EYS: variants seen among roughly 807,000 people sequenced by gnomAD.
EYS encodes EGF-like photoreceptor maintenance factor, also known as protein eyes shut homolog.
In EYS, 250 loss-of-function variants were observed where a neutral mutation model predicts 282.1. That is an observed-to-expected ratio of 0.89 (90% CI 0.80 to 0.98). EYS has a LOEUF of 0.98. Among genes scored for constraint, EYS ranks in the 50% least tolerant of loss-of-function variants. EYS has a pLI of 0.00. For missense variants in EYS, 4,016 were observed against 3,709.0 expected, an observed-to-expected ratio of 1.08 and a Z score of -2.15; for synonymous variants, 1,355 against 1,282.9, an observed-to-expected ratio of 1.06 and a Z score of -1.20.
chr6:64,014,388 T>A (rs1768789624), intron 33 of EYS, among the ~76,000 whole-genome samples: 1 of 152,136 alleles, frequency 6.6e-6, no homozygotes, highest in Admixed American at 6.6e-5. Flanking sequence ...TTTCTAATAA[T>A]ACTTCAGTTT....
intron 14 of EYS, among the ~76,000 whole-genome samples, chr6:64,964,536 A>C (rs925373232): frequency 6.6e-6 from 1 of 152,118 alleles, no homozygotes; most frequent in African/African-American, 2.4e-5. Context: ...TTTGTTGATA[A>C]AATATCTTAT....
intron 32 of EYS, 43 bp from the exon 33 acceptor site, chr6:64,066,534 T>C: frequency 7.7e-7 from 1 of 1,306,984 alleles, no homozygotes; most frequent in Non-Finnish European, 1.1e-6. Context: ...TGTAGATTTA[T>C]ATTTTATTGG....
intron 12 of EYS, among the ~76,000 whole-genome samples, chr6:65,090,073 G>A (rs564002858): frequency 7.9e-5 from 12 of 151,850 alleles, no homozygotes; most frequent in African/African-American, 2.9e-4. Context: ...TTTGAAATAT[G>A]AGGACATGAT....
chr6:63,762,742 T>G, intron 40 of EYS, 109 bp from the exon 41 acceptor site: 1 of 1,036,052 alleles, frequency 9.7e-7, no homozygotes, highest in Non-Finnish European at 1.4e-6. Context: ...TTCCAAGAGA[T>G]CAAAATGAAT....
chr6:64,424,676 T>C (rs1774347323), intron 28 of EYS, among the ~76,000 whole-genome samples: 1 of 152,216 alleles, frequency 6.6e-6, no homozygotes, highest in South Asian at 2.1e-4. Flanking sequence ...GTTTCATCCC[T>C]GCCTTTCATT....
chr6:63,734,181 C>G (rs934176990), intron 41 of EYS, among the ~76,000 whole-genome samples: 1 of 152,076 alleles, frequency 6.6e-6, no homozygotes, highest in South Asian at 2.1e-4. Flanking sequence ...ATGCTCACTA[C>G]CTGGGTGACT....
chr6:63,756,932 C>T (rs1234671097), intron 41 of EYS, among the ~76,000 whole-genome samples: 1 of 152,038 alleles, frequency 6.6e-6, no homozygotes, highest in Non-Finnish European at 1.5e-5. Context: ...ATGTACATCA[C>T]CTCAGGACCA....
intron 15 of EYS, among the ~76,000 whole-genome samples, chr6:64,915,735 A>G (rs1403050393): frequency 6.6e-6 from 1 of 152,174 alleles, no homozygotes; most frequent in Admixed American, 6.5e-5. Flanking sequence ...AAAATTGTCA[A>G]ATATATTATC....
At chr6:64,123,480 C>A (rs1773658257) in intron 31 of EYS, among the ~76,000 whole-genome samples, 2 of 152,112 alleles carry the variant, frequency 1.3e-5, no homozygotes, top group African/African-American at 4.8e-5. Context: ...AAAATAAAAG[C>A]AAATCTATTT....
intron 29 of EYS, among the ~76,000 whole-genome samples, chr6:64,337,082 C>A (rs567494163): frequency 6.6e-6 from 1 of 152,052 alleles, no homozygotes; most frequent in African/African-American, 2.4e-5. Context: ...GAAACAAGAA[C>A]AAACCAAATC....
At chr6:65,450,734 A>C (rs1764368104) in intron 5 of EYS, among the ~76,000 whole-genome samples, 1 of 152,142 alleles carries the variant, frequency 6.6e-6, no homozygotes, top group African/African-American at 2.4e-5. Context: ...TTACACTCCT[A>C]AGACCAGTGG....
At chr6:65,173,372 C>A (rs1765149758) in intron 12 of EYS, among the ~76,000 whole-genome samples, 1 of 151,294 alleles carries the variant, frequency 6.6e-6, no homozygotes, top group Non-Finnish European at 1.5e-5. Flanking sequence ...CTACTAACCT[C>A]TCTAAAATAT....
At chr6:64,706,027 A>G (rs1221087863) in intron 22 of EYS, among the ~76,000 whole-genome samples, 1 of 152,036 alleles carries the variant, frequency 6.6e-6, no homozygotes, top group Non-Finnish European at 1.5e-5. Flanking sequence ...TCAAAAAAAA[A>G]AAAGCACAAA....
intron 19 of EYS, among the ~76,000 whole-genome samples, chr6:64,840,404 C>T (rs982400732): frequency 1.3e-5 from 2 of 151,988 alleles, no homozygotes; most frequent in African/African-American, 2.4e-5. Context: ...TTATGAAAAT[C>T]AATAATAAAA....
chr6:64,140,727 C>T (rs185303390), intron 31 of EYS, among the ~76,000 whole-genome samples: 1 of 152,152 alleles, frequency 6.6e-6, no homozygotes. Flanking sequence ...GTTTTGGCAA[C>T]TGCTGACTGC....
chr6:64,960,903 C>T (rs1327072223), intron 14 of EYS, among the ~76,000 whole-genome samples: 19 of 152,104 alleles, frequency 1.2e-4, no homozygotes, highest in Admixed American at 1.2e-3. Flanking sequence ...TGAGAACATA[C>T]AGTATTTGGT....
chr6:64,978,977 G>T (rs1419719308), intron 14 of EYS, among the ~76,000 whole-genome samples: 1 of 151,880 alleles, frequency 6.6e-6, no homozygotes, highest in Non-Finnish European at 1.5e-5. Flanking sequence ...AAGATGCTAT[G>T]ACCATTGTTG....
intron 2 of EYS, among the ~76,000 whole-genome samples, chr6:65,510,329 C>A (rs1272344886): frequency 2.0e-5 from 3 of 151,782 alleles, no homozygotes; most frequent in Non-Finnish European, 4.4e-5. Flanking sequence ...ATCCATGTCC[C>A]TACAAAGGAC....
At chr6:65,693,713 C>A (rs903308325) in intron 1 of EYS, among the ~76,000 whole-genome samples, 1 of 149,882 alleles carries the variant, frequency 6.7e-6, no homozygotes, top group African/African-American at 2.4e-5. Context: ...TGCTTTTATG[C>A]ATCTGAGTTT....
Sources: gnomAD v4.1 joint callset for allele counts (sites outside exome capture counted in the v4.1 genomes callset) on GRCh38, gnomAD v4.1.1 for gene constraint, MANE v1.5 for transcripts, NCBI Gene and HGNC (gene_info 2026-07-23, HGNC 2026-07-21) for gene names.